The following TRIP12 variants were observed in gnomAD, a reference collection of about 807,000 sequenced individuals.
TRIP12 encodes the protein thyroid hormone receptor interactor 12, also known as E3 ubiquitin-protein ligase TRIP12.
TRIP12 carries 25 observed loss-of-function variants against 244.2 expected under a neutral mutation model. The ratio of observed to expected loss-of-function variants is 0.10; its 90% CI spans 0.07 to 0.14. The LOEUF (loss-of-function observed/expected upper bound fraction) is 0.14, where lower values mean the gene tolerates loss of function less well. Among genes scored for constraint, TRIP12 ranks in the 10% least tolerant of loss-of-function variants. The pLI, the probability that TRIP12 is intolerant of heterozygous loss-of-function variation, is 1.00. For missense variants in TRIP12, 1,677 were observed against 2,486.4 expected, an observed-to-expected ratio of 0.67 and a Z score of 6.92; for synonymous variants, 905 against 873.1, an observed-to-expected ratio of 1.04 and a Z score of -0.64.
intron 12 of TRIP12, 53 bp downstream of exon 12, chr2:229,814,180 T>A: frequency 6.3e-7 from 1 of 1,595,118 alleles, no homozygotes; most frequent in Non-Finnish European, 8.6e-7. Flanking sequence ...AAATGTGGAT[T>A]TTAAAAATTC....
intron 4 of TRIP12, among the ~76,000 whole-genome samples, chr2:229,849,227 T>C (rs2058168588): frequency 6.6e-6 from 1 of 152,166 alleles, no homozygotes; most frequent in Admixed American, 6.5e-5. Flanking sequence ...GAATTTAAAA[T>C]TCAGGAAAAG....
chr2:229,803,566 A>C lies in TRIP12; in HGVS notation c.2998+5T>G, dbSNP rs1185770518. 2.6e-6 allele frequency: 4 copies of C among 1,564,718 alleles called. No individual in the cohort carries two copies. In the South Asian group the frequency reaches 4.5e-5, roughly 18 times the overall value. On this transcript the variant is annotated splice_donor_5th_base_variant and intron_variant, in intron 20 of 41. Coordinates refer to ENST00000675903, the MANE Select transcript of TRIP12 (RefSeq NM_001348323.3). The stretch of plus-strand genomic sequence containing the variant: ...CTAAATGACTATTAATTTATATGAC[A>C]TTACCTTCTCTTCTGAAGTAAACAC...
chr2:229,803,957 A>C, intron 19 of TRIP12, 42 bp downstream of exon 19: 1 of 1,520,082 alleles, frequency 6.6e-7, no homozygotes, highest in Non-Finnish European at 8.9e-7. Flanking sequence ...ACTTGCAGAG[A>C]TTTGTATTTG....
At chr2:229,852,886 C>G (rs2058978503) in intron 4 of TRIP12, among the ~76,000 whole-genome samples, 1 of 152,196 alleles carries the variant, frequency 6.6e-6, no homozygotes, top group Non-Finnish European at 1.5e-5. Flanking sequence ...ATTCCATGAA[C>G]CACTACTGGT....
intron 1 of TRIP12, among the ~76,000 whole-genome samples, chr2:229,881,245 T>G (rs989579167): frequency 6.6e-6 from 1 of 152,216 alleles, no homozygotes; most frequent in African/African-American, 2.4e-5. Context: ...GAAATGATTG[T>G]GCAGATAAAA....
At chr2:229,824,926 T>C (rs1372056343) in intron 8 of TRIP12, among the ~76,000 whole-genome samples, 1 of 152,176 alleles carries the variant, frequency 6.6e-6, no homozygotes, top group Non-Finnish European at 1.5e-5. Context: ...ATTACATAAT[T>C]ATAAAAGCAA....
At chr2:229,842,104 A>C (rs1370298500) in intron 4 of TRIP12, among the ~76,000 whole-genome samples, 1 of 152,230 alleles carries the variant, frequency 6.6e-6, no homozygotes, top group Non-Finnish European at 1.5e-5. Context: ...TAGACATCTA[A>C]ACTATATCTT....
intron 6 of TRIP12, among the ~76,000 whole-genome samples, chr2:229,835,037 T>C (rs962911847): frequency 4.6e-5 from 7 of 152,220 alleles, no homozygotes; most frequent in Admixed American, 1.3e-4. Flanking sequence ...TTCTTCTACA[T>C]TCCCATTTTA....
chr2:229,797,522 A>C (rs2043119101), intron 24 of TRIP12, among the ~76,000 whole-genome samples, 168 bp downstream of exon 24: 1 of 152,234 alleles, frequency 6.6e-6, no homozygotes, highest in Admixed American at 6.5e-5. Flanking sequence ...GAATCCTGAT[A>C]GTCAAGGGAT....
chr2:229,892,931 C>T (rs926464867), intron 1 of TRIP12, among the ~76,000 whole-genome samples: 86 of 152,238 alleles, frequency 5.6e-4, no homozygotes, highest in African/African-American at 2.0e-3. Flanking sequence ...ACAGCTACCA[C>T]TCATCTTCAA....
chr2:229,845,206 T>C (rs569153368), intron 4 of TRIP12, among the ~76,000 whole-genome samples: 17 of 152,366 alleles, frequency 1.1e-4, no homozygotes, highest in African/African-American at 3.8e-4. Context: ...AGCCTGAAGC[T>C]AGGCATTCTC....
intron 2 of TRIP12, among the ~76,000 whole-genome samples, chr2:229,875,839 A>C (rs926726863): frequency 1.3e-5 from 2 of 152,244 alleles, no homozygotes; most frequent in African/African-American, 4.8e-5. Flanking sequence ...GGAAGGCTAA[A>C]CGAGTCACAT....
chr2:229,902,014 G>A lies in TRIP12; in HGVS notation c.-50+19866C>T, dbSNP rs867366381. Among the ~76,000 whole-genome samples, 61 of 152,264 alleles carry A rather than the reference G, an allele frequency of 4.0e-4. 1 individual carries two copies. In the Middle Eastern group the frequency reaches 0.024, roughly 59 times the overall value. Reference sequence around the variant, plus strand: ...ATTTCTTTCAAACTTCAAGATTAGAGGCATGAAATCAATTTAGACCACTGG... The same window carrying A: ...ATTTCTTTCAAACTTCAAGATTAGAAGCATGAAATCAATTTAGACCACTGG... On this transcript the variant is annotated intron_variant, in intron 1 of 41. Coordinates refer to ENST00000675903, the MANE Select transcript of TRIP12 (RefSeq NM_001348323.3).
rs761699183 is a variant in TRIP12 at position 229,805,714 on chromosome 2, C to T, written c.2650+16G>A. 9 of 1,556,206 alleles carry T rather than the reference C, an allele frequency of 5.8e-6. No individual in the cohort carries two copies. The Admixed American group carries it at 1.4e-4, about 24-fold the overall frequency. ...GCACAATAGTATAGTGCTATTTTAA[C>T]TCAGAATGTACTTACTAGTGTTACT... is the stretch of plus-strand genomic sequence containing the variant. On this transcript the variant is annotated intron_variant, in intron 18 of 41. Transcript: ENST00000675903.
chr2:229,914,758 C>T (rs1237246139), intron 1 of TRIP12, among the ~76,000 whole-genome samples: 1 of 152,142 alleles, frequency 6.6e-6, no homozygotes, highest in Non-Finnish European at 1.5e-5. Context: ...GATTAAAATA[C>T]ACACTGAAAT....
At chr2:229,808,468 A>AT in intron 15 of TRIP12, 99 bp from the exon 16 acceptor site, 1 of 773,598 alleles carries the variant, frequency 1.3e-6, no homozygotes, top group Middle Eastern at 2.5e-4. Context: ...AATCAGAATC[A>AT]TTTTCTTACA....
intron 37 of TRIP12, 75 bp from the exon 38 acceptor site, chr2:229,774,336 C>A: frequency 7.0e-7 from 1 of 1,435,012 alleles, no homozygotes; most frequent in Non-Finnish European, 9.4e-7. Flanking sequence ...TAAAAGATAT[C>A]CTAATAAAAT....
At chr2:229,849,561 TA>T (rs1235648002) in intron 4 of TRIP12, among the ~76,000 whole-genome samples, 1 of 151,148 alleles carries the variant, frequency 6.6e-6, no homozygotes, top group African/African-American at 2.4e-5. Flanking sequence ...AAGACTGCTT[TA>T]AAAAAAAATA....
intron 8 of TRIP12, among the ~76,000 whole-genome samples, chr2:229,827,126 A>G (rs1180569665): frequency 6.6e-6 from 1 of 151,968 alleles, no homozygotes; most frequent in Admixed American, 6.6e-5. Flanking sequence ...TAAAAATACA[A>G]AAAATTAGCC....
Sources: allele counts gnomAD v4.1 joint callset (sites outside exome capture counted in the v4.1 genomes callset), GRCh38; gene constraint gnomAD v4.1.1; transcripts MANE v1.5; gene names NCBI Gene and HGNC (gene_info 2026-07-23, HGNC 2026-07-21).